The following DYNC2I1 variants were observed in gnomAD, a reference collection of about 807,000 sequenced individuals.
The protein encoded by DYNC2I1 is dynein 2 intermediate chain 1.
DYNC2I1 carries 89 observed loss-of-function variants against 133.4 expected under a neutral mutation model. The observed-to-expected ratio is 0.67, with a 90% CI of 0.56 to 0.80. DYNC2I1 has a LOEUF of 0.80. DYNC2I1 is among the 30% of genes least tolerant of loss of function. The pLI is 0.00. For synonymous variants in DYNC2I1, 504 were observed against 484.3 expected, an observed-to-expected ratio of 1.04 and a Z score of -0.54; for missense variants, 1,291 against 1,314.5, an observed-to-expected ratio of 0.98 and a Z score of 0.28.
intron 4 of DYNC2I1, among the ~76,000 whole-genome samples, chr7:158,951,756 G>A (rs1852058197): frequency 6.6e-6 from 1 of 152,192 alleles, no homozygotes; most frequent in Admixed American, 6.5e-5. Context: ...GGCTGAGCTG[G>A]CACCGGTTCT....
At chr7:158,864,726 G>C (rs965193596) in intron 1 of DYNC2I1, among the ~76,000 whole-genome samples, 2 of 151,952 alleles carry the variant, frequency 1.3e-5, no homozygotes, top group African/African-American at 4.8e-5. Context: ...GGCTGGTCTT[G>C]AACTCCTGGG....
chr7:158,857,329 T>G (rs1841364911), intron 1 of DYNC2I1, among the ~76,000 whole-genome samples: 1 of 152,140 alleles, frequency 6.6e-6, no homozygotes, highest in South Asian at 2.1e-4. Context: ...TAAAAGTGCA[T>G]AGACCAGTGC....
chr7:158,871,491 A>G lies in DYNC2I1; in HGVS notation c.419A>G (p.His140Arg). The G allele has an allele frequency of 6.5e-7, 1 of 1,547,898 alleles. No homozygotes were observed. The highest frequency in any genetic ancestry group is 8.7e-7 in the Non-Finnish European group (1 of 1,146,854). The change falls in exon 3 of 25, where the codon CAC (histidine) becomes CGC (arginine). Residue 140 changes from histidine to arginine, a missense_variant. Transcript: ENST00000407559. ...GAAGAGCTCCGGCAGACCGTGGCCC[A>G]CCACAACCTGCTGGGCCAGGAGACA... ...RKEELRQTVA[H>R]HNLLGQETRD...
chr7:158,950,936 G>T (rs577870499), downstream of DYNC2I1, among the ~76,000 whole-genome samples: 2 of 151,832 alleles, frequency 1.3e-5, no homozygotes, highest in South Asian at 4.2e-4. Flanking sequence ...ATACTGCACC[G>T]GGACCAGCCT....
chr7:158,901,959 T>C (rs1334089240), intron 9 of DYNC2I1, 143 bp downstream of exon 9: 1 of 638,426 alleles, frequency 1.6e-6, no homozygotes, highest in African/African-American at 1.9e-5. Context: ...TAGGTCAAGC[T>C]GTTACCTGTA....
chr7:158,902,049 C>T (rs537812259), intron 9 of DYNC2I1, among the ~76,000 whole-genome samples: 46 of 152,208 alleles, frequency 3.0e-4, no homozygotes, highest in African/African-American at 1.1e-3. Flanking sequence ...TATTTAAGTG[C>T]AGTGCATAAA....
chr7:158,873,215 T>G (rs111728876), intron 3 of DYNC2I1, among the ~76,000 whole-genome samples: 1,595 of 152,308 alleles, frequency 0.01, 31 homozygotes, highest in African/African-American at 0.036. Flanking sequence ...CTTCAGTATT[T>G]TTTGGTTATA....
At chr7:158,880,032 GC>G (rs1375508659) in intron 5 of DYNC2I1, 43 bp downstream of exon 5, 3 of 1,537,004 alleles carry the variant, frequency 2.0e-6, no homozygotes, top group African/African-American at 2.8e-5. Context: ...CCGCCCCGAG[GC>G]CGGCGCTTTC....
intron 8 of DYNC2I1, among the ~76,000 whole-genome samples, chr7:158,896,350 T>C (rs1310480208): frequency 1.3e-5 from 2 of 152,264 alleles, no homozygotes; most frequent in Non-Finnish European, 2.9e-5. Context: ...TATGATCTTA[T>C]GATTTTTCTC....
At chr7:158,932,179 C>T (rs564473244) in intron 21 of DYNC2I1, among the ~76,000 whole-genome samples, 23 of 152,284 alleles carry the variant, frequency 1.5e-4, no homozygotes, top group Non-Finnish European at 2.5e-4. Context: ...CTGTCTGCAC[C>T]GCCCCTGCAG....
intron 15 of DYNC2I1, among the ~76,000 whole-genome samples, chr7:158,921,792 C>T (rs1236699662): frequency 1.3e-5 from 2 of 152,184 alleles, no homozygotes; most frequent in African/African-American, 2.4e-5. Flanking sequence ...CTGAAGTTCT[C>T]GCCAGTCATG....
rs1409118233 is a variant in DYNC2I1 at position 158,930,585 on chromosome 7, A to G, written c.2546+70A>G. 5 of 1,311,544 alleles carry G rather than the reference A, an allele frequency of 3.8e-6. No individual in the cohort carries two copies. In the Admixed American group the frequency reaches 8.2e-5, roughly 22 times the overall value. 81.2% of individuals were successfully genotyped at this position (1,311,544 alleles called of 1,614,324 possible). On this transcript the variant is annotated intron_variant, in intron 21 of 24. Coordinates refer to ENST00000407559, the MANE Select transcript of DYNC2I1 (RefSeq NM_018051.5). ...AAGGAAAATAACATTGGGGAATTGCATATACGGTAAATGGTGAGCTTTTGC... is the reference window on the plus strand; with the variant it reads ...AAGGAAAATAACATTGGGGAATTGCGTATACGGTAAATGGTGAGCTTTTGC...
rs140977538 is a variant in DYNC2I1, at chr7:158,882,121, C to T, written c.879+2132C>T. 1.0e-3 allele frequency among the ~76,000 whole-genome samples: 158 copies of T among 152,284 alleles called. 1 individual carries two copies. Among genetic ancestry groups the T allele is most frequent in the African/African-American group, 3.6e-3 (150 of 41,554 alleles). ...AGTCCCAGAAGAAAGATTATTCAGA[C>T]GACTGACATTTTCTTTTTAAGACAA... On this transcript the variant is annotated intron_variant, in intron 5 of 24. Transcript: ENST00000407559.
chr7:158,921,265 G>A (rs571053768), intron 15 of DYNC2I1, among the ~76,000 whole-genome samples: 2 of 152,300 alleles, frequency 1.3e-5, no homozygotes, highest in East Asian at 1.9e-4. Flanking sequence ...GGCGCTGCAC[G>A]CACACAGGTC....
chr7:158,841,365 A>C, the DYNC2I1 span, among the ~76,000 whole-genome samples: 1 of 151,532 alleles, frequency 6.6e-6, no homozygotes, highest in Non-Finnish European at 1.5e-5. Context: ...GGTGTGTGCT[A>C]CCATGCCCAG....
chr7:158,877,941 C>T (rs1843518422), intron 4 of DYNC2I1, among the ~76,000 whole-genome samples: 1 of 152,222 alleles, frequency 6.6e-6, no homozygotes, highest in Non-Finnish European at 1.5e-5. Flanking sequence ...GACCCCAGGG[C>T]TGGCGGAGCT....
intron 10 of DYNC2I1, chr7:158,903,309 G>A (rs1313651945): frequency 6.6e-6 from 1 of 150,610 alleles, no homozygotes; most frequent in Non-Finnish European, 1.5e-5. Flanking sequence ...GTGAGAGTAG[G>A]AATTAATGTT....
intron 14 of DYNC2I1, among the ~76,000 whole-genome samples, chr7:158,914,526 GTA>G (rs1170433693): frequency 6.6e-6 from 1 of 152,154 alleles, no homozygotes; most frequent in Non-Finnish European, 1.5e-5. Context: ...CTGGGTAAAT[GTA>G]TATCACTGAA....
rs959791778 is a variant in DYNC2I1, at chr7:158,945,494, A to G, written c.3003-87A>G. On this transcript the variant is annotated intron_variant, in intron 24 of 24. Transcript: ENST00000407559. The surrounding 1 kb of genome is among the most constrained non-coding windows in gnomAD (Gnocchi z 4.1). ...ATTTCTCATCCGTTTCACTCTTCCC[A>G]TGGAAGGTAGACATTTTGAAGACTC... 7.2e-5 allele frequency: 99 copies of G among 1,375,830 alleles called. No homozygotes were observed. The highest frequency in any genetic ancestry group is 2.6e-4 in the Middle Eastern group (1 of 3,906). The allele number at this position is 1,375,830 out of a possible 1,614,324, so 85.2% of individuals were successfully genotyped here. A position where few individuals can be genotyped will look rare whatever the true frequency, so the allele number is the denominator to read the frequency against.
Sources: gnomAD v4.1 joint callset for allele counts (sites outside exome capture counted in the v4.1 genomes callset) on GRCh38, gnomAD v4.1.1 for gene constraint, Gnocchi (gnomAD v3.1) non-coding constraint, MANE v1.5 for transcripts, NCBI Gene and HGNC (gene_info 2026-07-23, HGNC 2026-07-21) for gene names.